RIMS2: variants seen among roughly 807,000 people sequenced by gnomAD.
RIMS2 encodes the protein regulating synaptic membrane exocytosis 2, also known as regulating synaptic membrane exocytosis protein 2.
RIMS2 carries 59 observed loss-of-function variants against 174.4 expected under a neutral mutation model. That is an observed-to-expected ratio of 0.34 (90% CI 0.27 to 0.42). RIMS2 has a LOEUF of 0.42. Among genes scored for constraint, RIMS2 ranks in the 10% least tolerant of loss-of-function variants. RIMS2 has a pLI of 1.00. For missense variants in RIMS2, 1,620 were observed against 1,666.3 expected, an observed-to-expected ratio of 0.97 and a Z score of 0.48; for synonymous variants, 606 against 572.5, an observed-to-expected ratio of 1.06 and a Z score of -0.84.
chr8:103,749,286 G>A (rs1413498184), intron 2 of RIMS2, among the ~76,000 whole-genome samples: 2 of 150,266 alleles, frequency 1.3e-5, no homozygotes. Context: ...TAACTTTTTT[G>A]TATTTTTAGT....
At chr8:103,736,682 A>G (rs1411070644) in intron 2 of RIMS2, among the ~76,000 whole-genome samples, 2 of 152,186 alleles carry the variant, frequency 1.3e-5, no homozygotes, top group Non-Finnish European at 2.9e-5. Flanking sequence ...TAATTTGAGA[A>G]TTGGATTTTG....
chr8:103,789,519 C>T (rs1048689211), intron 3 of RIMS2, among the ~76,000 whole-genome samples: 1 of 152,196 alleles, frequency 6.6e-6, no homozygotes, highest in Middle Eastern at 3.4e-3. Context: ...ATAATGTAAC[C>T]TAATAATGGG....
chr8:103,532,666 T>A (rs929538495), intron 1 of RIMS2, among the ~76,000 whole-genome samples: 6 of 152,218 alleles, frequency 3.9e-5, no homozygotes, highest in Non-Finnish European at 7.4e-5. Context: ...TGACTATATG[T>A]GGCACACTTG....
intron 19 of RIMS2, among the ~76,000 whole-genome samples, chr8:104,089,995 A>C (rs956249205): frequency 6.6e-6 from 1 of 151,558 alleles, no homozygotes; most frequent in Non-Finnish European, 1.5e-5. Context: ...GCTGGCCTTC[A>C]GGAGTTTGTA....
At chr8:103,952,597 C>T (rs1229521948) in intron 14 of RIMS2, among the ~76,000 whole-genome samples, 1 of 152,292 alleles carries the variant, frequency 6.6e-6, no homozygotes, top group East Asian at 1.9e-4. Flanking sequence ...TCAGAGACCC[C>T]ATCTGAAGGT....
rs1488617018 is a variant in RIMS2, at chr8:103,612,242, C to G, written c.177-84844C>G. Among the ~76,000 whole-genome samples, 3 of 152,202 alleles carry G rather than the reference C, an allele frequency of 2.0e-5. No homozygotes were observed. In the East Asian group the frequency reaches 5.8e-4, roughly 29 times the overall value. On this transcript the variant is annotated intron_variant, in intron 1 of 23. Coordinates refer to ENST00000504942, the Ensembl canonical transcript of RIMS2. ...TCTTAAAATAGCTATATTGAATTCT[C>G]TGTCTGACAGGTCACATGTCTCTCT...
At chr8:104,169,848 G>A (rs2098821831) in intron 19 of RIMS2, among the ~76,000 whole-genome samples, 1 of 151,866 alleles carries the variant, frequency 6.6e-6, no homozygotes, top group Non-Finnish European at 1.5e-5. Context: ...GCTTTTGCCA[G>A]AGGTTTTGAT....
intron 3 of RIMS2, among the ~76,000 whole-genome samples, chr8:103,791,385 C>A (rs531924923): frequency 6.6e-6 from 1 of 152,268 alleles, no homozygotes; most frequent in African/African-American, 2.4e-5. Context: ...GATTTTGTCA[C>A]CACCAGGCCT....
intron 19 of RIMS2, among the ~76,000 whole-genome samples, chr8:104,058,861 C>T (rs1347133169): frequency 6.6e-6 from 1 of 152,204 alleles, no homozygotes; most frequent in East Asian, 1.9e-4. Flanking sequence ...TCAGGTTTGC[C>T]AAAGATCAGA....
At chr8:103,987,018 A>C (rs946672906) in intron 16 of RIMS2, among the ~76,000 whole-genome samples, 4 of 152,200 alleles carry the variant, frequency 2.6e-5, no homozygotes, top group Admixed American at 6.5e-5. Context: ...AGTTTTAACC[A>C]AGTTTTTGAG....
At chr8:103,572,970 T>C (rs1588038494) in intron 1 of RIMS2, among the ~76,000 whole-genome samples, 1 of 152,318 alleles carries the variant, frequency 6.6e-6, no homozygotes, top group South Asian at 2.1e-4. Flanking sequence ...TCATAAATTC[T>C]TCCCCTAGGC....
chr8:103,913,376 G>A (rs567523838), intron 6 of RIMS2, among the ~76,000 whole-genome samples: 2 of 152,190 alleles, frequency 1.3e-5, no homozygotes, highest in Non-Finnish European at 2.9e-5. Context: ...CGAGGTTACA[G>A]TGGGCTGTGA....
At chr8:103,870,115 C>G in intron 3 of RIMS2, among the ~76,000 whole-genome samples, 1 of 146,026 alleles carries the variant, frequency 6.8e-6, no homozygotes, top group East Asian at 2.0e-4. Context: ...AGCTAACAGC[C>G]GATAGCTATA....
chr8:103,729,642 GTTTAT>G (rs1346499331), intron 2 of RIMS2, among the ~76,000 whole-genome samples: 2 of 116,634 alleles, frequency 1.7e-5, no homozygotes, highest in African/African-American at 6.0e-5. Flanking sequence ...TGCACTGTTA[GTTTAT>G]TTTAAGTTTT....
chr8:104,109,745 T>C (rs1428432863), intron 19 of RIMS2, among the ~76,000 whole-genome samples: 12 of 152,212 alleles, frequency 7.9e-5, no homozygotes, highest in Admixed American at 7.2e-4. Context: ...TTGCATTTCA[T>C]ACAAGATAAA....
At chr8:103,848,844 T>C (rs2098982047) in intron 3 of RIMS2, among the ~76,000 whole-genome samples, 1 of 152,054 alleles carries the variant, frequency 6.6e-6, no homozygotes, top group Non-Finnish European at 1.5e-5. Context: ...GTCAATGTTA[T>C]AATTAAATTC....
At chr8:103,773,241 A>G (rs866445194) in intron 3 of RIMS2, among the ~76,000 whole-genome samples, 1 of 152,192 alleles carries the variant, frequency 6.6e-6, no homozygotes, top group Admixed American at 6.5e-5. Context: ...ATTTCAAGAA[A>G]TTTCAAGAGA....
At chr8:104,132,948 T>C (rs1056185863) in intron 19 of RIMS2, among the ~76,000 whole-genome samples, 2 of 152,238 alleles carry the variant, frequency 1.3e-5, no homozygotes, top group Non-Finnish European at 2.9e-5. Context: ...ACCAAAAACT[T>C]TGTGTTTTAA....
chr8:103,562,251 G>A (rs2132016337), intron 1 of RIMS2, among the ~76,000 whole-genome samples: 1 of 152,280 alleles, frequency 6.6e-6, no homozygotes, highest in East Asian at 1.9e-4. Flanking sequence ...TCTCATCTGA[G>A]ACAAGGCAGT....
Sources: gnomAD v4.1 joint callset for allele counts (sites outside exome capture counted in the v4.1 genomes callset) on GRCh38, gnomAD v4.1.1 for gene constraint, MANE v1.5 for transcripts, NCBI Gene and HGNC (gene_info 2026-07-23, HGNC 2026-07-21) for gene names.